Variants in NTM observed in about 807,000 individuals in gnomAD.
NTM encodes the protein IgLON family member 2.
NTM carries 13 observed loss-of-function variants against 42.1 expected under a neutral mutation model. The ratio of observed to expected loss-of-function variants is 0.31; its 90% CI spans 0.20 to 0.49. The LOEUF (loss-of-function observed/expected upper bound fraction) is 0.49. NTM is among the 20% of genes least tolerant of loss of function. The pLI, the probability that NTM is intolerant of heterozygous loss-of-function variation, is 0.99. For synonymous variants in NTM, 187 were observed against 179.2 expected, an observed-to-expected ratio of 1.04 and a Z score of -0.35; for missense variants, 373 against 452.8, an observed-to-expected ratio of 0.82 and a Z score of 1.60.
intron 1 of NTM, among the ~76,000 whole-genome samples, chr11:131,829,944 G>T (rs1015159270): frequency 1.3e-5 from 2 of 152,074 alleles, no homozygotes; most frequent in Admixed American, 1.3e-4. Flanking sequence ...TGTGGAACAG[G>T]TTTTTCTTAA....
intron 3 of NTM, among the ~76,000 whole-genome samples, chr11:132,184,902 T>C (rs1592085870): frequency 6.6e-6 from 1 of 152,212 alleles, no homozygotes; most frequent in African/African-American, 2.4e-5. Context: ...AGAAACGGTG[T>C]GGCTGGGCCT....
At chr11:131,710,995 C>T (rs1457763876) in intron 1 of NTM, among the ~76,000 whole-genome samples, 1 of 152,182 alleles carries the variant, frequency 6.6e-6, no homozygotes, top group African/African-American at 2.4e-5. Context: ...TTTTTACCCC[C>T]TTCTTCTCTC....
At chr11:131,676,482 G>T (rs980422842) in intron 1 of NTM, among the ~76,000 whole-genome samples, 6 of 152,108 alleles carry the variant, frequency 3.9e-5, no homozygotes, top group African/African-American at 1.4e-4. Flanking sequence ...CGTGTGCGGG[G>T]GTATGCCTGT....
chr11:132,062,739 C>T (rs946592320), intron 2 of NTM, among the ~76,000 whole-genome samples: 10 of 152,268 alleles, frequency 6.6e-5, no homozygotes, highest in South Asian at 6.2e-4. Context: ...GGAATGTGTT[C>T]GGCTCATATG....
Position 131,893,100 on chromosome 11 carries a change from G to T in NTM, c.83-18464G>T, listed in dbSNP as rs184307083. 7.9e-5 allele frequency among the ~76,000 whole-genome samples: 12 copies of T among 152,346 alleles called. No homozygotes were observed. In the East Asian group the frequency reaches 2.3e-3, roughly 29 times the overall value. On this transcript the variant is annotated intron_variant, in intron 1 of 8. Coordinates refer to ENST00000683400, the MANE Select transcript of NTM (RefSeq NM_001352005.2). Reference sequence around the variant, plus strand: ...GAACAGCATATTCAGCCCGAATGTAGGATGTGGACATTGTGGTCTGGATTA... The same window carrying T: ...GAACAGCATATTCAGCCCGAATGTATGATGTGGACATTGTGGTCTGGATTA...
At chr11:132,183,231 C>T (rs2077847672) in intron 3 of NTM, among the ~76,000 whole-genome samples, 2 of 152,202 alleles carry the variant, frequency 1.3e-5, no homozygotes, top group South Asian at 4.1e-4. Context: ...TGTAATGACT[C>T]TTCAAGGACC....
At chr11:132,325,826 A>C (rs1050727777) in intron 7 of NTM, among the ~76,000 whole-genome samples, 17 of 152,228 alleles carry the variant, frequency 1.1e-4, no homozygotes, top group African/African-American at 2.4e-5. Context: ...ACCACGGAAT[A>C]CTATGCAGCC....
intron 1 of NTM, among the ~76,000 whole-genome samples, chr11:131,517,464 G>T (rs1163971873): frequency 6.6e-6 from 1 of 152,144 alleles, no homozygotes; most frequent in Admixed American, 6.5e-5. Context: ...AAAACAATAG[G>T]CAGGCTGGAA....
At chr11:132,104,937 GTATA>G (rs534897526) in intron 2 of NTM, among the ~76,000 whole-genome samples, 4,770 of 61,534 alleles carry the variant, frequency 0.078, 833 homozygotes, top group Middle Eastern at 0.14. Flanking sequence ...ATATACATAT[GTATA>G]TATATATATA....
intron 3 of NTM, among the ~76,000 whole-genome samples, chr11:132,153,939 A>T (rs886185708): frequency 6.6e-6 from 1 of 152,208 alleles, no homozygotes; most frequent in African/African-American, 2.4e-5. Context: ...CAAAACTACA[A>T]AGTTATATTT....
At position 132,300,567 on chromosome 11, in the gene NTM, A is replaced by G. The variant is rs76179824; in HGVS notation, c.527-7122A>G. On this transcript the variant is annotated intron_variant, in intron 4 of 8. Transcript: ENST00000683400. ...GCCTAGTATCAGGCCTACAGAAGCTATCCTATGCAGATCATTCGACATGAA... is the reference window on the plus strand; with the variant it reads ...GCCTAGTATCAGGCCTACAGAAGCTGTCCTATGCAGATCATTCGACATGAA... Among the ~76,000 whole-genome samples the G allele has an allele frequency of 7.4e-3, 1,125 of 152,340 alleles. 6 individuals are homozygous for G. Among genetic ancestry groups the G allele is most frequent in the Non-Finnish European group, 0.011 (742 of 68,036 alleles).
intron 4 of NTM, among the ~76,000 whole-genome samples, chr11:132,283,177 G>A (rs1272921586): frequency 6.6e-6 from 1 of 151,594 alleles, no homozygotes; most frequent in Non-Finnish European, 1.5e-5. Context: ...AGTAGAGATA[G>A]GGTTTCACCA....
chr11:131,390,663 C>T (rs898497059), intron 1 of NTM, among the ~76,000 whole-genome samples: 1 of 152,112 alleles, frequency 6.6e-6, no homozygotes, highest in Admixed American at 6.5e-5. Flanking sequence ...CAGTGGTAAC[C>T]ATCAGCATTT....
At chr11:132,323,386 T>C (rs1400291686) in intron 7 of NTM, among the ~76,000 whole-genome samples, 2 of 151,840 alleles carry the variant, frequency 1.3e-5, no homozygotes, top group Non-Finnish European at 2.9e-5. Context: ...CATCAGAGAA[T>C]ACTACAAACA....
chr11:132,207,394 C>T (rs1046581764), intron 3 of NTM, among the ~76,000 whole-genome samples: 1 of 152,132 alleles, frequency 6.6e-6, no homozygotes, highest in Non-Finnish European at 1.5e-5. Context: ...TCTCCCATCA[C>T]CCCCAGATGG....
At chr11:132,075,890 T>C (rs2058298629) in intron 2 of NTM, among the ~76,000 whole-genome samples, 1 of 152,226 alleles carries the variant, frequency 6.6e-6, no homozygotes, top group South Asian at 2.1e-4. Flanking sequence ...GCTGAAAATC[T>C]AATTCTTCTT....
intron 2 of NTM, among the ~76,000 whole-genome samples, chr11:132,065,415 G>A (rs1022970212): frequency 1.3e-5 from 2 of 152,078 alleles, no homozygotes; most frequent in African/African-American, 4.8e-5. Context: ...GTTAACCAGG[G>A]CTTCCTCATC....
chr11:131,454,153 A>C (rs538373229), intron 1 of NTM, among the ~76,000 whole-genome samples: 1 of 144,738 alleles, frequency 6.9e-6, no homozygotes, highest in African/African-American at 2.6e-5. Context: ...ATCTTTTGAG[A>C]GGGAGATCAA....
At position 131,517,260 on chromosome 11, in the gene NTM, G is replaced by T. The variant is rs185218979; in HGVS notation, c.82+146372G>T. 5.1e-3 allele frequency among the ~76,000 whole-genome samples: 776 copies of T among 152,306 alleles called. 4 individuals carry two copies. Among genetic ancestry groups the T allele is most frequent in the Non-Finnish European group, 9.0e-3 (611 of 68,026 alleles). On this transcript the variant is annotated intron_variant, in intron 1 of 8. Coordinates refer to ENST00000683400, the MANE Select transcript of NTM (RefSeq NM_001352005.2). Reference sequence around the variant, plus strand: ...ACATTGGCAAAAGATTCTGAATAATGTGTGGGAAATTCAGAATCTGGCTGC... The same window carrying T: ...ACATTGGCAAAAGATTCTGAATAATTTGTGGGAAATTCAGAATCTGGCTGC...
Sources: allele counts gnomAD v4.1 joint callset (sites outside exome capture counted in the v4.1 genomes callset), GRCh38; gene constraint gnomAD v4.1.1; transcripts MANE v1.5; gene names NCBI Gene and HGNC (gene_info 2026-07-23, HGNC 2026-07-21).